The following FARP1 variants were observed in gnomAD, a reference collection of about 807,000 sequenced individuals.
FARP1 encodes the protein FERM, ARH/RhoGEF and pleckstrin domain protein 1.
A neutral mutation model predicts 128.8 loss-of-function variants in FARP1; 52 were observed. The observed-to-expected ratio is 0.40, with a 90% CI of 0.32 to 0.51. FARP1 has a LOEUF of 0.51. Ranked by LOEUF, FARP1 falls within the 20% of genes least tolerant of loss-of-function variation. The pLI is 0.45. For synonymous variants in FARP1, 580 were observed against 551.8 expected (o/e 1.05, Z -0.72); for missense variants, 1,333 against 1,367.9 (o/e 0.97, Z 0.40).
chr13:98,357,092 T>G (rs765471199), intron 3 of FARP1, among the ~76,000 whole-genome samples: 1 of 152,198 alleles, frequency 6.6e-6, no homozygotes, highest in South Asian at 2.1e-4. Flanking sequence ...ACATTAGCAG[T>G]GTATTTTTGT....
chr13:98,401,562 A>T (rs1466387742), intron 13 of FARP1: 1 of 151,976 alleles, frequency 6.6e-6, no homozygotes, highest in African/African-American at 2.4e-5. Flanking sequence ...CTAGAGAGAG[A>T]TTTCCAAGCA....
intron 11 of FARP1, among the ~76,000 whole-genome samples, chr13:98,391,736 C>T (rs1890313762): frequency 6.6e-6 from 1 of 152,106 alleles, no homozygotes; most frequent in South Asian, 2.1e-4. Flanking sequence ...GATGGAGATA[C>T]TGAGTCCCCA....
At chr13:98,304,197 G>A (rs1886039294) in intron 2 of FARP1, among the ~76,000 whole-genome samples, 1 of 152,096 alleles carries the variant, frequency 6.6e-6, no homozygotes, top group South Asian at 2.1e-4. Context: ...CAGCAGAAGG[G>A]TCTGCTGCTC....
intron 5 of FARP1, among the ~76,000 whole-genome samples, chr13:98,377,301 A>C (rs1262496273): frequency 9.2e-5 from 6 of 65,306 alleles, no homozygotes; most frequent in African/African-American, 4.9e-4. Flanking sequence ...ACTTTGTCTC[A>C]AAAAAAAAAA....
At chr13:98,262,677 A>G (rs1163824433) in intron 2 of FARP1, among the ~76,000 whole-genome samples, 2 of 152,220 alleles carry the variant, frequency 1.3e-5, no homozygotes, top group Non-Finnish European at 2.9e-5. Flanking sequence ...AATGTGTTAA[A>G]GTGAGGTTTT....
rs556550649 is a variant in FARP1 at position 98,259,107 on chromosome 13, C to T, written c.171+45694C>T. Among the ~76,000 whole-genome samples, 5 of 152,000 alleles carry T rather than the reference C, an allele frequency of 3.3e-5. No homozygotes were observed. The East Asian group carries it at 5.8e-4, about 18-fold the overall frequency. On this transcript the variant is annotated intron_variant, in intron 2 of 26. Coordinates refer to ENST00000319562, the MANE Select transcript of FARP1 (RefSeq NM_005766.4). Reference sequence around the variant, plus strand: ...GTGCCTATAAACACAGCTACTCCAGCGGCTGAGGTGGGAGGATTGCTCGAG... The same window carrying T: ...GTGCCTATAAACACAGCTACTCCAGTGGCTGAGGTGGGAGGATTGCTCGAG...
intron 1 of FARP1, among the ~76,000 whole-genome samples, chr13:98,196,264 T>C (rs1265481600): frequency 2.6e-5 from 4 of 152,044 alleles, no homozygotes; most frequent in Admixed American, 2.6e-4. Context: ...GAAATCATCA[T>C]GTACAAGAGG....
At chr13:98,234,536 G>C (rs1467937160) in intron 2 of FARP1, 1 of 152,002 alleles carries the variant, frequency 6.6e-6, no homozygotes, top group Non-Finnish European at 1.5e-5. Context: ...TTCCACCTCC[G>C]TTTCACAATA....
chr13:98,253,803 G>A (rs1207082045), intron 2 of FARP1, among the ~76,000 whole-genome samples: 1 of 152,202 alleles, frequency 6.6e-6, no homozygotes, highest in Non-Finnish European at 1.5e-5. Context: ...ACTGGGCCAT[G>A]TGGTTAGTTT....
chr13:98,366,922 T>C (rs1889111561), intron 4 of FARP1, among the ~76,000 whole-genome samples: 1 of 152,222 alleles, frequency 6.6e-6, no homozygotes, highest in Non-Finnish European at 1.5e-5. Context: ...ACAGAAATTA[T>C]AATACATAAT....
In FARP1 at chr13:98,210,739, C is replaced by A. The variant is rs184334194; in HGVS notation, c.-23-2481C>A. On this transcript the variant is annotated intron_variant, in intron 1 of 26. Coordinates refer to ENST00000319562, the MANE Select transcript of FARP1 (RefSeq NM_005766.4). ...TAATTTTCTGTATTTTTAGTAGAGA[C>A]GGGGTTTCACCATGTTAGCCAGGAT... Among the ~76,000 whole-genome samples, 10 of 152,060 alleles carry A rather than the reference C, an allele frequency of 6.6e-5. No homozygotes were observed. In the South Asian group the frequency reaches 2.1e-3, roughly 32 times the overall value.
intron 5 of FARP1, among the ~76,000 whole-genome samples, chr13:98,371,000 G>A (rs930043908): frequency 2.0e-5 from 3 of 152,110 alleles, no homozygotes; most frequent in Admixed American, 2.0e-4. Flanking sequence ...GCTGGGTCTT[G>A]GTTTCTCAGG....
Position 98,455,043 on chromosome 13 carries a change from G to T in FARP1, c.*6726G>T, listed in dbSNP as rs1328755715. On this transcript the variant is annotated 3_prime_UTR_variant, in exon 27 of 27. Transcript: ENST00000319562. ...CCAGTGAGCACGTAAAATGTGCTGC[G>T]TCTGAATGGAGATGTGCTAAGTGTA... 1 of 152,182 alleles carries T rather than the reference G, an allele frequency of 6.6e-6. No individual in the cohort carries two copies. Among genetic ancestry groups the T allele is most frequent in the African/African-American group, 2.4e-5 (1 of 41,424 alleles). The allele number at this position is 152,182 out of a possible 1,614,324, so 9.4% of individuals were successfully genotyped here. A position where few individuals can be genotyped will look rare whatever the true frequency, so the allele number is the denominator to read the frequency against.
chr13:98,230,830 G>A (rs904361809), intron 2 of FARP1, among the ~76,000 whole-genome samples: 9 of 152,258 alleles, frequency 5.9e-5, no homozygotes, highest in Middle Eastern at 3.4e-3. Flanking sequence ...CTGTTCTCAT[G>A]CTGATAATAA....
At chr13:98,353,887 T>G (rs549846200) in intron 3 of FARP1, among the ~76,000 whole-genome samples, 44 of 152,236 alleles carry the variant, frequency 2.9e-4, no homozygotes, top group Admixed American at 2.0e-3. Context: ...AAGAGTTCAA[T>G]TAACCATAAC....
At chr13:98,356,770 G>A (rs1291440654) in intron 3 of FARP1, among the ~76,000 whole-genome samples, 3 of 151,728 alleles carry the variant, frequency 2.0e-5, no homozygotes, top group Admixed American at 2.0e-4. Flanking sequence ...TCCTAACTGG[G>A]ACTATAGGTG....
chr13:98,228,871 G>T (rs1329685), intron 2 of FARP1, among the ~76,000 whole-genome samples: 26,885 of 152,136 alleles, frequency 0.18, 5,897 homozygotes, highest in East Asian at 0.5. Context: ...TTACTAAAGG[G>T]ATTAGATGTT....
At chr13:98,214,254 C>T (rs957175222) in intron 2 of FARP1, among the ~76,000 whole-genome samples, 18 of 152,210 alleles carry the variant, frequency 1.2e-4, no homozygotes, top group African/African-American at 3.6e-4. Flanking sequence ...ATCTTATTCC[C>T]GGCAGGAGAG....
chr13:98,403,005 G>A (rs1394599380), intron 13 of FARP1: 1 of 151,600 alleles, frequency 6.6e-6, no homozygotes. Flanking sequence ...AGGAGAAAAC[G>A]CTTTGTTTTC....
Sources: allele counts gnomAD v4.1 joint callset (sites outside exome capture counted in the v4.1 genomes callset), GRCh38; gene constraint gnomAD v4.1.1; transcripts MANE v1.5; gene names NCBI Gene and HGNC (gene_info 2026-07-23, HGNC 2026-07-21).